PDE1C: variants seen among roughly 807,000 people sequenced by gnomAD.
The protein encoded by PDE1C is dual specificity calcium/calmodulin-dependent 3',5'-cyclic nucleotide phosphodiesterase 1C.
Under a neutral mutation model 93.1 loss-of-function variants are expected in PDE1C, and 62 were observed. That is an observed-to-expected ratio of 0.67 (90% CI 0.54 to 0.82). The LOEUF (loss-of-function observed/expected upper bound fraction) is 0.82, where lower values mean the gene tolerates loss of function less well. PDE1C is among the 40% of genes least tolerant of loss of function. PDE1C has a pLI of 0.00. For missense variants in PDE1C, 742 were observed against 884.6 expected (o/e 0.84, Z 2.04); for synonymous variants, 325 against 310.1 (o/e 1.05, Z -0.50).
intron 1 of PDE1C, among the ~76,000 whole-genome samples, chr7:32,314,443 C>T (rs539618586): frequency 2.8e-4 from 43 of 152,106 alleles, no homozygotes; most frequent in Non-Finnish European, 6.0e-4. Context: ...AAAACAAATA[C>T]AGAGCATCCC....
intron 2 of PDE1C, among the ~76,000 whole-genome samples, chr7:31,931,855 T>C (rs1019014192): frequency 3.3e-5 from 5 of 151,224 alleles, no homozygotes; most frequent in African/African-American, 1.2e-4. Flanking sequence ...AAGGCTACAG[T>C]AACCAAAACA....
the PDE1C span, among the ~76,000 whole-genome samples, chr7:31,629,771 C>G: frequency 6.6e-6 from 1 of 152,180 alleles, no homozygotes; most frequent in Middle Eastern, 3.4e-3. Flanking sequence ...GTGTGCCTTT[C>G]AAGTTGTCAT....
intron 1 of PDE1C, among the ~76,000 whole-genome samples, chr7:32,066,108 C>A (rs1795370647): frequency 6.6e-6 from 1 of 152,186 alleles, no homozygotes; most frequent in Admixed American, 6.5e-5. Flanking sequence ...AAAGCAAAGC[C>A]TCCCTTTCCC....
chr7:32,072,580 G>A (rs1796126761), upstream of PDE1C, among the ~76,000 whole-genome samples: 1 of 152,146 alleles, frequency 6.6e-6, no homozygotes, highest in Non-Finnish European at 1.5e-5. Context: ...TGTGCACCTT[G>A]GGCAGCCTGC....
intron 3 of PDE1C, among the ~76,000 whole-genome samples, chr7:32,118,346 G>T (rs1799103300): frequency 6.6e-6 from 1 of 152,190 alleles, no homozygotes; most frequent in Non-Finnish European, 1.5e-5. Flanking sequence ...ATATATAAGT[G>T]CTAAGGTCCT....
chr7:32,299,139 C>T (rs1462486690), exon 1 of PDE1C: 1 of 1,009,068 alleles, frequency 9.9e-7, no homozygotes, highest in Non-Finnish European at 1.2e-6. Flanking sequence ...TTTTCTACTT[C>T]ACCTTCTCCT....
chr7:32,144,802 A>G (rs534915186), intron 3 of PDE1C, among the ~76,000 whole-genome samples: 1 of 152,260 alleles, frequency 6.6e-6, no homozygotes. Context: ...CTGGGTCTCA[A>G]CTATTTCCCC....
chr7:32,193,158 T>C (rs189147858), intron 2 of PDE1C, among the ~76,000 whole-genome samples: 1 of 152,290 alleles, frequency 6.6e-6, no homozygotes, highest in East Asian at 1.9e-4. Flanking sequence ...TTTTCATCCC[T>C]TATTACACTG....
chr7:31,748,951 T>C (rs533721076), downstream of PDE1C, among the ~76,000 whole-genome samples: 3 of 152,354 alleles, frequency 2.0e-5, no homozygotes, highest in Non-Finnish European at 4.4e-5. Context: ...AACTGAAAGC[T>C]TGCTGATGTA....
the PDE1C span, among the ~76,000 whole-genome samples, chr7:31,617,362 G>C: frequency 1.3e-5 from 2 of 152,074 alleles, no homozygotes; most frequent in Non-Finnish European, 2.9e-5. Flanking sequence ...GATTGCCAAA[G>C]GTATCATACC....
rs978979033 is a variant in PDE1C at position 31,816,208 on chromosome 7, C to T, written c.1583-54G>A. ...CAGAAAAGAGAAAAAGAGGTCATGCCGTTAGGAGAATGGCCTGTTTTAGTA... is the reference window on the plus strand; with the variant it reads ...CAGAAAAGAGAAAAAGAGGTCATGCTGTTAGGAGAATGGCCTGTTTTAGTA... On this transcript the variant is annotated intron_variant, in intron 14 of 17. Coordinates refer to ENST00000396191, the MANE Select transcript of PDE1C (RefSeq NM_001191057.4). 10 of 1,523,240 alleles carry T rather than the reference C, an allele frequency of 6.6e-6. No individual in the cohort carries two copies. Among genetic ancestry groups the T allele is most frequent in the Non-Finnish European group, 9.0e-6 (10 of 1,109,668 alleles). 94.4% of individuals were successfully genotyped at this position (1,523,240 alleles called of 1,614,324 possible).
At chr7:31,763,443 G>A (rs719363) in intron 17 of PDE1C, among the ~76,000 whole-genome samples, 19 of 152,202 alleles carry the variant, frequency 1.2e-4, no homozygotes, top group African/African-American at 4.6e-4. Flanking sequence ...GCTTTTGGGA[G>A]AGGTGGGTGG....
intron 1 of PDE1C, among the ~76,000 whole-genome samples, chr7:32,345,184 A>G (rs1310877478): frequency 1.3e-5 from 2 of 152,176 alleles, no homozygotes; most frequent in East Asian, 3.8e-4. Flanking sequence ...TCTCAAGTGT[A>G]GAGTGGAACT....
chr7:32,392,328 T>C (rs1035444649), intron 1 of PDE1C, among the ~76,000 whole-genome samples: 9 of 152,176 alleles, frequency 5.9e-5, no homozygotes, highest in African/African-American at 2.2e-4. Flanking sequence ...AGCCCAGGCC[T>C]AGGTTGCTTC....
At chr7:32,026,077 C>T (rs1563213576) in intron 2 of PDE1C, among the ~76,000 whole-genome samples, 1 of 152,144 alleles carries the variant, frequency 6.6e-6, no homozygotes, top group African/African-American at 2.4e-5. Context: ...CACACACATA[C>T]ACACATACAC....
the PDE1C span, among the ~76,000 whole-genome samples, chr7:31,694,538 G>A: frequency 2.6e-5 from 4 of 152,138 alleles, no homozygotes; most frequent in African/African-American, 9.7e-5. Flanking sequence ...AGATCAGCTT[G>A]ACTCCATTTA....
intron 1 of PDE1C, among the ~76,000 whole-genome samples, chr7:32,423,755 C>T (rs913482903): frequency 3.3e-5 from 5 of 152,190 alleles, no homozygotes; most frequent in African/African-American, 1.2e-4. Flanking sequence ...AATGCTCTAA[C>T]ACTGCTATTT....
chr7:31,721,295 T>G, the PDE1C span, among the ~76,000 whole-genome samples: 1 of 152,232 alleles, frequency 6.6e-6, no homozygotes, highest in Non-Finnish European at 1.5e-5. Context: ...ATTCAATTAT[T>G]TGGAGCAGCA....
the PDE1C span, among the ~76,000 whole-genome samples, chr7:31,668,145 G>C: frequency 6.6e-6 from 1 of 152,150 alleles, no homozygotes; most frequent in Non-Finnish European, 1.5e-5. Context: ...GCTTTTGTGT[G>C]ACTTTATTAT....
Sources: gnomAD v4.1 joint callset for allele counts (sites outside exome capture counted in the v4.1 genomes callset) on GRCh38, gnomAD v4.1.1 for gene constraint, MANE v1.5 for transcripts, NCBI Gene and HGNC (gene_info 2026-07-23, HGNC 2026-07-21) for gene names.